Variants in ZNF385A observed in about 807,000 individuals in gnomAD.
ZNF385A encodes the protein zinc finger protein 385A.
A neutral mutation model predicts 32.1 loss-of-function variants in ZNF385A; 14 were observed. The ratio of observed to expected loss-of-function variants is 0.44; its 90% CI spans 0.29 to 0.68. The LOEUF is 0.68. Among genes scored for constraint, ZNF385A ranks in the 30% least tolerant of loss-of-function variants. The pLI is 0.14. For missense variants in ZNF385A, 406 were observed against 478.4 expected (o/e 0.85, Z 1.41); for synonymous variants, 197 against 202.7 (o/e 0.97, Z 0.24).
At chr12:54,375,999 A>C (rs1954831687) in intron 1 of ZNF385A, 45 bp from the exon 2 acceptor site, 7 of 1,473,602 alleles carry the variant, frequency 4.8e-6, no homozygotes, top group Non-Finnish European at 5.7e-6. Flanking sequence ...AGCGCAACTC[A>C]TGTCCAGCAT....
intron 2 of ZNF385A, among the ~76,000 whole-genome samples, chr12:54,374,589 T>C (rs1350064186): frequency 1.3e-5 from 2 of 152,206 alleles, no homozygotes; most frequent in African/African-American, 4.8e-5. Flanking sequence ...CCAGGATCCC[T>C]GATGCCTGGG....
chr12:54,379,095 TG>T, intron 1 of ZNF385A: 1 of 979,208 alleles, frequency 1.0e-6, no homozygotes, highest in Non-Finnish European at 1.2e-6. Flanking sequence ...CGCGGCTCCA[TG>T]GCCCGGGGTG....
rs561486781 is a variant in ZNF385A at position 54,381,052 on chromosome 12, T to G, written c.87+3376A>C. 4.0e-5 allele frequency among the ~76,000 whole-genome samples: 6 copies of G among 151,812 alleles called. No individual in the cohort carries two copies. In the South Asian group the frequency reaches 1.3e-3, roughly 32 times the overall value. ...CTCTACTAAAAATACAAAAATTAGCTGGGCGTGGTGGTGTGCACCTGTAGC... is the reference window on the plus strand; with the variant it reads ...CTCTACTAAAAATACAAAAATTAGCGGGGCGTGGTGGTGTGCACCTGTAGC... On this transcript the variant is annotated intron_variant, in intron 1 of 6. Transcript: ENST00000394313.
upstream of ZNF385A, among the ~76,000 whole-genome samples, chr12:54,386,970 C>G (rs1293670134): frequency 6.6e-6 from 1 of 152,234 alleles, no homozygotes; most frequent in East Asian, 1.9e-4. Flanking sequence ...AGTTAACAAA[C>G]TTGGCTGATG....
chr12:54,379,147 A>C, intron 1 of ZNF385A: 3 of 980,594 alleles, frequency 3.1e-6, no homozygotes, highest in Non-Finnish European at 3.6e-6. Context: ...CGGGCCGGGC[A>C]GGCCAGGGAC....
chr12:54,372,062 T>G lies in ZNF385A; in HGVS notation c.362-347A>C, dbSNP rs192479843. On this transcript the variant is annotated intron_variant, in intron 3 of 6. Coordinates refer to ENST00000394313, the MANE Select transcript of ZNF385A (RefSeq NM_015481.3). ...GGCCTGCCAGCCAGTCTGGGCTTCC[T>G]GCCAGGACAGCCCCTTCCTGGAGTC... Among the ~76,000 whole-genome samples the G allele has an allele frequency of 1.4e-3, 213 of 152,308 alleles. 4 individuals are homozygous for G. The highest frequency in any genetic ancestry group is 0.013 in the Admixed American group (193 of 15,300).
chr12:54,373,601 G>A (rs1954676161), intron 3 of ZNF385A, among the ~76,000 whole-genome samples: 1 of 152,156 alleles, frequency 6.6e-6, no homozygotes, highest in Non-Finnish European at 1.5e-5. Flanking sequence ...GCCCCAGTAG[G>A]GCAGGAACTC....
chr12:54,371,395 A>G, intron 4 of ZNF385A, 78 bp downstream of exon 4: 1 of 1,546,184 alleles, frequency 6.5e-7, no homozygotes. Context: ...GGGATGTTGG[A>G]AGCCAGGGGC....
chr12:54,380,816 G>A (rs1955120201), intron 1 of ZNF385A, among the ~76,000 whole-genome samples: 1 of 152,168 alleles, frequency 6.6e-6, no homozygotes, highest in African/African-American at 2.4e-5. Flanking sequence ...TTATGATTAT[G>A]TAATATGATC....
intron 1 of ZNF385A, among the ~76,000 whole-genome samples, chr12:54,378,582 A>G (rs1467481327): frequency 6.6e-6 from 1 of 152,034 alleles, no homozygotes; most frequent in Non-Finnish European, 1.5e-5. Context: ...CCCTTGTGTG[A>G]GCATCCCACT....
intron 3 of ZNF385A, 32 bp downstream of exon 3, chr12:54,373,941 C>G: frequency 7.0e-7 from 1 of 1,433,880 alleles, no homozygotes; most frequent in Non-Finnish European, 9.3e-7. Context: ...AGACAGAGAT[C>G]AGTTGAAGAA....
At chr12:54,390,775 C>T (rs932737824) in intron 1 of ZNF385A, among the ~76,000 whole-genome samples, 1 of 151,918 alleles carries the variant, frequency 6.6e-6, no homozygotes, top group African/African-American at 2.4e-5. Context: ...CTCCTTCCAC[C>T]CCCCACTTCC....
At chr12:54,371,236 T>C (rs1043985332) in intron 4 of ZNF385A, 140 bp from the exon 5 acceptor site, 4 of 1,132,184 alleles carry the variant, frequency 3.5e-6, no homozygotes, top group African/African-American at 1.6e-5. Flanking sequence ...CTAAGCTCCT[T>C]GGGACCCTCC....
chr12:54,372,590 T>C (rs923054392), intron 3 of ZNF385A, among the ~76,000 whole-genome samples: 3 of 152,232 alleles, frequency 2.0e-5, no homozygotes, highest in Admixed American at 2.0e-4. Flanking sequence ...TCCTCAGAGA[T>C]ACTGTAGGAA....
intron 1 of ZNF385A, 72 bp downstream of exon 1, chr12:54,384,356 G>T: frequency 6.8e-7 from 1 of 1,473,274 alleles, no homozygotes. Context: ...CAGAAGAAGA[G>T]GGCAGAGGTG....
chr12:54,371,591 G>T lies in ZNF385A; in HGVS notation c.486C>A (p.Ala162=). ...TGCTACCCCCAGGCAAGGAAGCCGG[G>T]GCTGGAGTCCCCCCTTCACCCTTGG... The part of the protein sequence containing the change: ...GVTKGEGGTP[A]PASLPGGSKE... The change falls in exon 4 of 7, where the codon GCC becomes GCA. Residue 162 remains alanine (A), a synonymous_variant. Coordinates refer to ENST00000394313, the MANE Select transcript of ZNF385A (RefSeq NM_015481.3). 6.2e-7 allele frequency: 1 copy of T among 1,613,708 alleles called. No individual in the cohort carries two copies. The highest frequency in any genetic ancestry group is 1.1e-5 in the South Asian group (1 of 91,070).
chr12:54,376,566 A>G (rs1398479926), intron 1 of ZNF385A, among the ~76,000 whole-genome samples: 2 of 152,204 alleles, frequency 1.3e-5, no homozygotes, highest in Non-Finnish European at 2.9e-5. Flanking sequence ...TAGGAGCTCT[A>G]GTGAATCATG....
intron 1 of ZNF385A, chr12:54,391,111 G>A: frequency 1.0e-6 from 1 of 990,822 alleles, no homozygotes; most frequent in Non-Finnish European, 1.4e-6. Flanking sequence ...AAGGGGGAGG[G>A]GGAACCGGTC....
Position 54,370,400 on chromosome 12 carries a change from T to C in ZNF385A, c.957A>G (p.Ala319=). ...PSPLAVAAVM[A]AAAGSPLSLR... ...GGGACAGCGGCGAGCCTGCTGCCGCTGCCATCACTGCAGCCACCGCCAGGG... is the reference window on the plus strand; with the variant it reads ...GGGACAGCGGCGAGCCTGCTGCCGCCGCCATCACTGCAGCCACCGCCAGGG... Residue 319 remains alanine (A), a synonymous_variant, in exon 7 of 7, where the codon GCA becomes GCG. Transcript: ENST00000394313. This position sits in a 1 kb window ranked among gnomAD's most constrained non-coding sequence, Gnocchi z 5.5. 6.5e-7 allele frequency: 1 copy of C among 1,535,182 alleles called. No individual in the cohort carries two copies. Among genetic ancestry groups the C allele is most frequent in the South Asian group, 1.2e-5 (1 of 82,502 alleles).
Sources: allele counts gnomAD v4.1 joint callset (sites outside exome capture counted in the v4.1 genomes callset), GRCh38; gene constraint gnomAD v4.1.1; non-coding constraint Gnocchi (gnomAD v3.1); transcripts MANE v1.5; gene names NCBI Gene and HGNC (gene_info 2026-07-23, HGNC 2026-07-21).